The following VTA1 variants were observed in gnomAD, a reference collection of about 807,000 sequenced individuals.
VTA1 encodes vesicle trafficking 1, also known as vacuolar protein sorting-associated protein VTA1 homolog.
VTA1 carries 24 observed loss-of-function variants against 36.9 expected under a neutral mutation model. The ratio of observed to expected loss-of-function variants is 0.65; its 90% confidence interval spans 0.47 to 0.91. The LOEUF (loss-of-function observed/expected upper bound fraction) is 0.91, where lower values mean the gene tolerates loss of function less well. VTA1 is among the 40% of genes least tolerant of loss of function. The pLI, the probability that VTA1 is intolerant of heterozygous loss-of-function variation, is 0.00. For synonymous variants in VTA1, 142 were observed against 130.2 expected (o/e 1.09, Z -0.62); for missense variants, 393 against 377.2 (o/e 1.04, Z -0.35).
chr6:142,205,530 G>A (rs1775773411), intron 7 of VTA1, among the ~76,000 whole-genome samples: 2 of 152,030 alleles, frequency 1.3e-5, no homozygotes, highest in Admixed American at 6.6e-5. Context: ...ACTTAACTCA[G>A]GATGTACTCC....
At chr6:142,198,119 A>ATATATG (rs1315222547) in intron 5 of VTA1, among the ~76,000 whole-genome samples, 105 of 98,250 alleles carry the variant, frequency 1.1e-3, no homozygotes, top group Non-Finnish European at 1.6e-3. Flanking sequence ...ATATATATAT[A>ATATATG]TGTGTGTGTG....
intron 4 of VTA1, among the ~76,000 whole-genome samples, chr6:142,175,682 A>G (rs1775108560): frequency 6.6e-6 from 1 of 151,938 alleles, no homozygotes; most frequent in East Asian, 1.9e-4. Flanking sequence ...AATGCCTTAC[A>G]CTTGTTTATA....
At chr6:142,152,263 G>A (rs184438425) in intron 1 of VTA1, among the ~76,000 whole-genome samples, 21 of 152,126 alleles carry the variant, frequency 1.4e-4, no homozygotes, top group Admixed American at 6.5e-5. Flanking sequence ...GAGAAAATGA[G>A]TAATGATGGG....
intron 4 of VTA1, among the ~76,000 whole-genome samples, chr6:142,174,236 C>T (rs759878228): frequency 4.6e-5 from 7 of 152,162 alleles, no homozygotes; most frequent in Non-Finnish European, 8.8e-5. Flanking sequence ...CCCTGCAAAG[C>T]CATAGGGGCA....
At chr6:142,212,429 C>T (rs1022326277) in intron 7 of VTA1, among the ~76,000 whole-genome samples, 1 of 151,940 alleles carries the variant, frequency 6.6e-6, no homozygotes, top group African/African-American at 2.4e-5. Context: ...AAGCTATATA[C>T]TGTATAATTC....
chr6:142,209,830 C>G (rs181376118), intron 7 of VTA1, among the ~76,000 whole-genome samples: 1 of 151,806 alleles, frequency 6.6e-6, no homozygotes, highest in Non-Finnish European at 1.5e-5. Flanking sequence ...ACAATACTAC[C>G]CAAAGCAATC....
intron 4 of VTA1, among the ~76,000 whole-genome samples, chr6:142,175,067 C>G (rs1199914320): frequency 6.6e-6 from 1 of 152,160 alleles, no homozygotes; most frequent in Non-Finnish European, 1.5e-5. Context: ...CCGAAGCCTT[C>G]TGTGTGATAT....
intron 7 of VTA1, among the ~76,000 whole-genome samples, chr6:142,208,260 T>C (rs1031371494): frequency 1.3e-5 from 2 of 151,910 alleles, no homozygotes; most frequent in East Asian, 1.9e-4. Flanking sequence ...TCAAAAAAAA[T>C]CAAATCTTGG....
chr6:142,170,280 T>A (rs1775003070), intron 3 of VTA1, 66 bp from the exon 4 acceptor site: 1 of 1,238,400 alleles, frequency 8.1e-7, no homozygotes, highest in African/African-American at 1.5e-5. Context: ...TTCTTATAGC[T>A]AAATGACAAA....
Position 142,147,312 on chromosome 6 carries a change from C to G in VTA1, c.25C>G (p.Pro9Ala), listed in dbSNP as rs2232299. The G allele has an allele frequency of 9.5e-4, 1,532 of 1,614,204 alleles. 7 individuals are homozygous for G. In the African/African-American group the frequency reaches 0.012, roughly 13 times the overall value. The change falls in exon 1 of 8, where the codon CCG becomes GCG. Residue 9 changes from proline to alanine, a missense_variant. Physicochemically the swap from Pro to Ala is conservative, Grantham distance 27. Coordinates refer to ENST00000367630, the MANE Select transcript of VTA1 (RefSeq NM_016485.5). ...GATGGCCGCGCTTGCACCGCTGCCC[C>G]CGCTCCCCGCACAGTTCAAGAGCAT... MAALAPLP[P>A]LPAQFKSIQH...
At chr6:142,213,207 C>T (rs1775936183) in intron 7 of VTA1, among the ~76,000 whole-genome samples, 4 of 152,186 alleles carry the variant, frequency 2.6e-5, no homozygotes, top group Admixed American at 2.6e-4. Flanking sequence ...AACAAAGGGG[C>T]TACAGGCCCC....
chr6:142,211,859 G>A (rs1273307111), intron 7 of VTA1, among the ~76,000 whole-genome samples: 1 of 151,982 alleles, frequency 6.6e-6, no homozygotes, highest in Non-Finnish European at 1.5e-5. Context: ...ATTAGCAAAA[G>A]GCCTTTATAG....
At chr6:142,185,403 T>C (rs1478743746) in intron 4 of VTA1, among the ~76,000 whole-genome samples, 1 of 152,208 alleles carries the variant, frequency 6.6e-6, no homozygotes. Flanking sequence ...CTTATGTTTT[T>C]CCCCAAAGAG....
chr6:142,149,844 TCTA>T (rs1290319343), intron 1 of VTA1, among the ~76,000 whole-genome samples: 4 of 152,188 alleles, frequency 2.6e-5, no homozygotes, highest in Admixed American at 6.5e-5. Flanking sequence ...GAAAATTTTC[TCTA>T]CTATTATTTG....
Position 142,147,366 on chromosome 6 carries a change from C to A in VTA1, c.79C>A (p.His27Asn). The A allele has an allele frequency of 6.2e-7, 1 of 1,614,218 alleles. No homozygotes were observed. Among genetic ancestry groups the A allele is most frequent in the Non-Finnish European group, 8.5e-7 (1 of 1,180,032 alleles). ...GCATCATCTGAGGACGGCTCAGGAGCATGACAAGCGAGACCCTGTGGTGGC... is the reference window on the plus strand; with the variant it reads ...GCATCATCTGAGGACGGCTCAGGAGAATGACAAGCGAGACCCTGTGGTGGC... ...IQHHLRTAQEHDKRDPVVAYY... is the reference protein window; with the variant it reads ...IQHHLRTAQENDKRDPVVAYY... The change falls in exon 1 of 8, where the codon CAT becomes AAT. Residue 27 changes from histidine (H) to asparagine (N), a missense_variant. Coordinates refer to ENST00000367630, the MANE Select transcript of VTA1 (RefSeq NM_016485.5).
intron 7 of VTA1, among the ~76,000 whole-genome samples, chr6:142,214,611 TAG>T (rs1489491417): frequency 6.6e-6 from 1 of 152,150 alleles, no homozygotes; most frequent in African/African-American, 2.4e-5. Context: ...ACTGTAACAA[TAG>T]ATATATGTCA....
intron 1 of VTA1, among the ~76,000 whole-genome samples, chr6:142,165,786 T>C (rs117559566): frequency 0.017 from 2,596 of 152,268 alleles, 37 homozygotes; most frequent in Non-Finnish European, 0.025. Flanking sequence ...ATATGTAAAA[T>C]TACTATAGCA....
intron 1 of VTA1, among the ~76,000 whole-genome samples, chr6:142,162,055 A>G (rs757257899): frequency 2.6e-5 from 4 of 152,230 alleles, no homozygotes; most frequent in Non-Finnish European, 4.4e-5. Context: ...TATGCACACA[A>G]ACTAAGAAAA....
At chr6:142,159,086 A>G (rs796602700) in intron 1 of VTA1, among the ~76,000 whole-genome samples, 8 of 152,288 alleles carry the variant, frequency 5.3e-5, no homozygotes, top group African/African-American at 1.9e-4. Flanking sequence ...TTGGTTGGGC[A>G]TGGTGGCTCA....
Sources: gnomAD v4.1 joint callset for allele counts (sites outside exome capture counted in the v4.1 genomes callset) on GRCh38, gnomAD v4.1.1 for gene constraint, MANE v1.5 for transcripts, NCBI Gene and HGNC (gene_info 2026-07-23, HGNC 2026-07-21) for gene names.